The following FGF1 variants were observed in gnomAD, a reference collection of about 807,000 sequenced individuals.
FGF1 encodes beta-endothelial cell growth factor.
Under a neutral mutation model 13.4 loss-of-function variants are expected in FGF1, and 9 were observed. The ratio of observed to expected loss-of-function variants is 0.67; its 90% CI spans 0.40 to 1.17. The LOEUF is 1.17. FGF1 is among the 50% of genes most tolerant of loss of function. The pLI is 0.01. For missense variants in FGF1, 156 were observed against 192.7 expected (o/e 0.81, Z 1.13); for synonymous variants, 93 against 79.0 (o/e 1.18, Z -0.94).
upstream of FGF1, chr5:142,686,468 G>A (rs1024553347): frequency 1.3e-4 from 20 of 152,238 alleles, no homozygotes; most frequent in African/African-American, 4.3e-4. Flanking sequence ...TTTGTCTTGG[G>A]GCAAATGTGT....
chr5:142,626,977 A>T (rs1561598393), intron 1 of FGF1: 2 of 152,250 alleles, frequency 1.3e-5, no homozygotes, highest in Middle Eastern at 3.2e-3. Flanking sequence ...TCTCTGTAAA[A>T]TGAAGCTGTT....
Position 142,595,420 on chromosome 5 carries a change from A to G in FGF1, c.338T>C (p.Ile113Thr), listed in dbSNP as rs1271039014. ...ATTCTTCTCTGCATGCTTCTTGGAT[A>G]TATAGGTGTTGTAATGGTTCTCCTC... ...RLEENHYNTY[I>T]SKKHAEKNWF... The change falls in exon 4 of 4, where the codon ATA becomes ACA. Residue 113 changes from isoleucine to threonine, a missense_variant. Physicochemically the swap from Ile to Thr is moderately conservative, Grantham distance 89 (BLOSUM62 -1). Transcript: ENST00000337706. 2.5e-6 allele frequency: 4 copies of G among 1,613,998 alleles called. No homozygotes were observed. The highest frequency in any genetic ancestry group is 1.3e-5 in the African/African-American group (1 of 75,024).
At chr5:142,691,826 T>A (rs918785105) in intron 2 of FGF1, among the ~76,000 whole-genome samples, 4 of 152,216 alleles carry the variant, frequency 2.6e-5, no homozygotes, top group Non-Finnish European at 5.9e-5. Flanking sequence ...GTGTTGCATA[T>A]ACATTTATTA....
At chr5:142,634,874 C>CT (rs56711125) in intron 1 of FGF1, among the ~76,000 whole-genome samples, 1,811 of 143,276 alleles carry the variant, frequency 0.013, 19 homozygotes, top group South Asian at 0.028. Context: ...CTTTTTTTTT[C>CT]TTTTTTTTTT....
chr5:142,605,263 T>C (rs13187284), intron 2 of FGF1, among the ~76,000 whole-genome samples: 12,365 of 149,638 alleles, frequency 0.083, 902 homozygotes, highest in East Asian at 0.25. Flanking sequence ...CGCACCATCA[T>C]GCCTGGCTAG....
At chr5:142,602,916 C>T (rs1756897466) in intron 2 of FGF1, among the ~76,000 whole-genome samples, 1 of 152,160 alleles carries the variant, frequency 6.6e-6, no homozygotes, top group South Asian at 2.1e-4. Context: ...CAGGATGATT[C>T]ATAGTTTCAT....
intron 3 of FGF1, among the ~76,000 whole-genome samples, chr5:142,596,497 C>T (rs1201116266): frequency 2.7e-5 from 4 of 147,726 alleles, no homozygotes; most frequent in African/African-American, 1.0e-4. Context: ...AATTACAACA[C>T]TTTGGGAGGC....
At chr5:142,660,737 C>T (rs187334887) in intron 1 of FGF1, among the ~76,000 whole-genome samples, 351 of 152,348 alleles carry the variant, frequency 2.3e-3, no homozygotes, top group African/African-American at 7.9e-3. Flanking sequence ...TTTTCTAACC[C>T]CATACCCCAT....
intron 1 of FGF1, among the ~76,000 whole-genome samples, chr5:142,669,284 G>A (rs950553972): frequency 6.6e-6 from 1 of 152,164 alleles, no homozygotes; most frequent in Admixed American, 6.5e-5. Context: ...CAGAGGCCAC[G>A]GGGCACAGTA....
chr5:142,629,913 A>C (rs2151923220), intron 1 of FGF1, among the ~76,000 whole-genome samples: 1 of 91,824 alleles, frequency 1.1e-5, no homozygotes. Context: ...TTTTTCTTTG[A>C]GATAGAGTCT....
chr5:142,652,955 C>T (rs1184779768), intron 1 of FGF1, among the ~76,000 whole-genome samples: 1 of 152,206 alleles, frequency 6.6e-6, no homozygotes, highest in Non-Finnish European at 1.5e-5. Flanking sequence ...TGTCACTTTC[C>T]ATTTATAGAC....
At chr5:142,627,278 CCTT>C (rs1317307278) in intron 1 of FGF1, 1 of 152,144 alleles carries the variant, frequency 6.6e-6, no homozygotes, top group African/African-American at 2.4e-5. Flanking sequence ...GAACACCTCT[CCTT>C]CTTCTCCAGC....
chr5:142,598,512 T>C (rs1306711115), intron 3 of FGF1, among the ~76,000 whole-genome samples: 1 of 151,914 alleles, frequency 6.6e-6, no homozygotes, highest in Non-Finnish European at 1.5e-5. Context: ...AAAAAAAAAA[T>C]TGGAAAATAC....
intron 1 of FGF1, among the ~76,000 whole-genome samples, chr5:142,684,653 G>A (rs1319122580): frequency 6.6e-6 from 1 of 152,204 alleles, no homozygotes; most frequent in Non-Finnish European, 1.5e-5. Context: ...GTGAATCAGA[G>A]TCTCCACCAA....
chr5:142,668,527 G>C (rs1252724640), intron 1 of FGF1, among the ~76,000 whole-genome samples: 1 of 152,188 alleles, frequency 6.6e-6, no homozygotes, highest in African/African-American at 2.4e-5. Flanking sequence ...CCCAGACACA[G>C]TTAGGTAATA....
At chr5:142,622,809 G>A (rs1331885871) in intron 1 of FGF1, among the ~76,000 whole-genome samples, 1 of 152,230 alleles carries the variant, frequency 6.6e-6, no homozygotes, top group Non-Finnish European at 1.5e-5. Context: ...TACTGGGTCT[G>A]AGGTAGGAGT....
chr5:142,625,923 T>A (rs539187615), intron 1 of FGF1, among the ~76,000 whole-genome samples: 1 of 152,320 alleles, frequency 6.6e-6, no homozygotes, highest in South Asian at 2.1e-4. Context: ...ACCTAGAAAA[T>A]TTAGCTTCTC....
chr5:142,594,968 C>T lies in FGF1; in HGVS notation c.*322G>A, dbSNP rs17099029. The stretch of plus-strand genomic sequence containing the variant: ...TGCAGTTACTAATGTCCCACTTAGC[C>T]GACCCCTTAACACACTTCATTTAGC... On this transcript the variant is annotated 3_prime_UTR_variant, in exon 4 of 4. Coordinates refer to ENST00000337706, the MANE Select transcript of FGF1 (RefSeq NM_000800.5). The T allele has an allele frequency of 0.1, 24,197 of 242,876 alleles. 1,563 individuals carry two copies. Among genetic ancestry groups the T allele is most frequent in the African/African-American group, 0.2 (8,763 of 44,444 alleles). 15.0% of individuals were successfully genotyped at this position (242,876 alleles called of 1,614,324 possible). A position where few individuals can be genotyped will look rare whatever the true frequency, so the allele number is the denominator to read the frequency against.
intron 1 of FGF1, among the ~76,000 whole-genome samples, chr5:142,645,586 AG>A (rs1482588828): frequency 6.6e-6 from 1 of 152,220 alleles, no homozygotes; most frequent in Non-Finnish European, 1.5e-5. Flanking sequence ...TACCTACTAC[AG>A]AGGCATTGGG....
Sources: allele counts gnomAD v4.1 joint callset (sites outside exome capture counted in the v4.1 genomes callset), GRCh38; gene constraint gnomAD v4.1.1; transcripts MANE v1.5; gene names NCBI Gene and HGNC (gene_info 2026-07-23, HGNC 2026-07-21).